GALNT2: variants seen among roughly 807,000 people sequenced by gnomAD.
The protein encoded by GALNT2 is UDP-GalNAc:polypeptide N-acetylgalactosaminyltransferase 2.
Under a neutral mutation model 81.4 loss-of-function variants are expected in GALNT2, and 31 were observed. The observed-to-expected ratio is 0.38, with a 90% CI of 0.29 to 0.51. The LOEUF is 0.51. Among genes scored for constraint, GALNT2 ranks in the 20% least tolerant of loss-of-function variants. GALNT2 has a pLI of 0.87. For missense variants in GALNT2, 629 were observed against 765.7 expected, an observed-to-expected ratio of 0.82 and a Z score of 2.11; for synonymous variants, 303 against 287.4, an observed-to-expected ratio of 1.05 and a Z score of -0.55.
At chr1:230,143,389 GAGAGCAGA>G (rs1661810624) in intron 1 of GALNT2, among the ~76,000 whole-genome samples, 7 of 152,338 alleles carry the variant, frequency 4.6e-5, no homozygotes, top group Middle Eastern at 3.4e-3. Context: ...GGAGACATTC[GAGAGCAGA>G]AGAGCAGAAG....
intron 1 of GALNT2, among the ~76,000 whole-genome samples, chr1:230,122,369 C>T (rs1661042544): frequency 6.6e-6 from 1 of 152,092 alleles, no homozygotes; most frequent in South Asian, 2.1e-4. Context: ...TAAATAAATC[C>T]CAAGCCCTGA....
chr1:230,274,653 A>T (rs1324922360), intron 15 of GALNT2, 89 bp downstream of exon 15: 13 of 1,500,738 alleles, frequency 8.7e-6, no homozygotes, highest in Middle Eastern at 2.3e-4. Context: ...GCTGCCTCTC[A>T]AAGCATCCAT....
intron 1 of GALNT2, among the ~76,000 whole-genome samples, chr1:230,092,433 TC>T (rs1270245006): frequency 1.3e-5 from 2 of 151,778 alleles, no homozygotes; most frequent in Non-Finnish European, 2.9e-5. Flanking sequence ...AACCTCTGCC[TC>T]CCGGGTTCAA....
chr1:230,164,674 C>T (rs977289731), intron 1 of GALNT2, among the ~76,000 whole-genome samples: 1 of 152,034 alleles, frequency 6.6e-6, no homozygotes, highest in African/African-American at 2.4e-5. Context: ...GCTGGGACTA[C>T]AGGCGCCCGC....
chr1:230,181,055 T>A (rs1463684735), intron 2 of GALNT2, among the ~76,000 whole-genome samples: 3 of 151,792 alleles, frequency 2.0e-5, no homozygotes, highest in African/African-American at 7.3e-5. Flanking sequence ...TATGAACAAA[T>A]AGGATTTTAT....
intron 1 of GALNT2, among the ~76,000 whole-genome samples, chr1:230,102,223 C>A (rs1279966226): frequency 6.6e-6 from 1 of 152,132 alleles, no homozygotes; most frequent in Non-Finnish European, 1.5e-5. Context: ...TAGACGAAGC[C>A]CCAGGAGGGC....
In GALNT2 at chr1:230,257,689, G is replaced by A. The variant is rs1160727903; in HGVS notation, c.1136+2345G>A. ...CCCTCTCATTAAGCAGCACCTGGCT[G>A]TACCTGGAGCAGGTGTGTAGCAGTG... On this transcript the variant is annotated intron_variant, in intron 11 of 15. Coordinates refer to ENST00000366672, the MANE Select transcript of GALNT2 (RefSeq NM_004481.5). The surrounding 1 kb of genome is among the most constrained non-coding windows in gnomAD (Gnocchi z 4.6). Among the ~76,000 whole-genome samples the A allele has an allele frequency of 1.3e-5, 2 of 152,234 alleles. No homozygotes were observed. Among genetic ancestry groups the A allele is most frequent in the Non-Finnish European group, 2.9e-5 (2 of 68,046 alleles).
At position 230,109,201 on chromosome 1, in the gene GALNT2, C is replaced by A. The variant is rs371939161; in HGVS notation, c.126+41795C>A. 7.9e-5 allele frequency among the ~76,000 whole-genome samples: 12 copies of A among 152,318 alleles called. No individual in the cohort carries two copies. In the East Asian group the frequency reaches 2.3e-3, roughly 29 times the overall value. ...TCTCCCTGGGAGCTGCGGCTGCGGA[C>A]CCCCGTAGATGGGATGCAGCTGCCC... On this transcript the variant is annotated intron_variant, in intron 1 of 15. Coordinates refer to ENST00000366672, the MANE Select transcript of GALNT2 (RefSeq NM_004481.5).
chr1:230,073,970 G>T (rs1659451588), intron 1 of GALNT2, among the ~76,000 whole-genome samples: 1 of 152,194 alleles, frequency 6.6e-6, no homozygotes, highest in Non-Finnish European at 1.5e-5. Context: ...GGAGGGTTGG[G>T]GGTAGAGTTA....
Position 230,275,168 on chromosome 1 carries a change from ACC to A in GALNT2, c.1560+605_1560+606del, listed in dbSNP as rs1666261421. Among the ~76,000 whole-genome samples, 1 of 151,658 alleles carries A rather than the reference ACC, an allele frequency of 6.6e-6. No individual in the cohort carries two copies. The highest frequency in any genetic ancestry group is 2.4e-5 in the African/African-American group (1 of 41,234). ...ATATATACACACCACATATACATAT[ACC>A]TGCCACATATATACATATATAAACA... On this transcript the variant is annotated intron_variant, in intron 15 of 15. Transcript: ENST00000366672. This position sits in a 1 kb window ranked among gnomAD's most constrained non-coding sequence, Gnocchi z 5.5.
At position 230,236,740 on chromosome 1, in the gene GALNT2, A is replaced by G. The variant is rs768210056; in HGVS notation, c.607+15A>G. 6.2e-7 allele frequency: 1 copy of G among 1,609,704 alleles called. No homozygotes were observed. The highest frequency in any genetic ancestry group is 8.5e-7 in the Non-Finnish European group (1 of 1,178,502). ...TCGACGAGAAGGTAAGATTCTTCTT[A>G]ATTCAGCGCCAAGACAGTTGAATTC... is the stretch of plus-strand genomic sequence containing the variant. On this transcript the variant is annotated intron_variant, in intron 6 of 15. Coordinates refer to ENST00000366672, the MANE Select transcript of GALNT2 (RefSeq NM_004481.5).
At chr1:230,255,688 A>T (rs1173466260) in intron 11 of GALNT2, among the ~76,000 whole-genome samples, 1 of 152,068 alleles carries the variant, frequency 6.6e-6, no homozygotes, top group Non-Finnish European at 1.5e-5. Flanking sequence ...AGCACCAGGG[A>T]TGTTTGGAGG....
At chr1:230,244,291 C>G (rs957202612) in intron 7 of GALNT2, among the ~76,000 whole-genome samples, 1 of 152,004 alleles carries the variant, frequency 6.6e-6, no homozygotes, top group Non-Finnish European at 1.5e-5. Flanking sequence ...ACCTGTAATG[C>G]ACTTGTTATC....
At chr1:230,213,868 G>A (rs373967197) in intron 3 of GALNT2, among the ~76,000 whole-genome samples, 1 of 152,086 alleles carries the variant, frequency 6.6e-6, no homozygotes, top group Non-Finnish European at 1.5e-5. Context: ...TCAGCCCTTT[G>A]TGCTCTTGTT....
At chr1:230,182,206 TATTG>T (rs1663183329) in intron 2 of GALNT2, among the ~76,000 whole-genome samples, 3 of 151,924 alleles carry the variant, frequency 2.0e-5, no homozygotes, top group Non-Finnish European at 4.4e-5. Flanking sequence ...TTTTTTTCTG[TATTG>T]ATTTTCTGTT....
chr1:230,197,953 G>A (rs1663753495), intron 2 of GALNT2, among the ~76,000 whole-genome samples: 1 of 152,132 alleles, frequency 6.6e-6, no homozygotes, highest in South Asian at 2.1e-4. Flanking sequence ...AGGCTTTGCG[G>A]TGGAACACAT....
intron 2 of GALNT2, among the ~76,000 whole-genome samples, chr1:230,187,900 A>G (rs574751716): frequency 8.3e-6 from 1 of 120,748 alleles, no homozygotes; most frequent in African/African-American, 3.2e-5. Context: ...CTCCTTCTCT[A>G]TTGCTTTGCT....
In GALNT2 at chr1:230,275,072, A is replaced by ATATACACGCCACATATATATACATG. The variant is rs1666253632; in HGVS notation, c.1560+515_1560+516insGCCACATATATATACATGTATACAC. 6.6e-6 allele frequency among the ~76,000 whole-genome samples: 1 copy of ATATACACGCCACATATATATACATG among 151,590 alleles called. No homozygotes were observed. Among genetic ancestry groups the ATATACACGCCACATATATATACATG allele is most frequent in the Non-Finnish European group, 1.5e-5 (1 of 67,862 alleles). On this transcript the variant is annotated intron_variant, in intron 15 of 15. Transcript: ENST00000366672. The surrounding 1 kb of genome is among the most constrained non-coding windows in gnomAD (Gnocchi z 5.5). ...ATACATGCCACATATATACGTATAT[A>ATATACACGCCACATATATATACATG]TATACACACCACATATATATACATG...
rs571199515 is a variant in GALNT2 at position 230,150,370 on chromosome 1, T to C, written c.127-27848T>C. On this transcript the variant is annotated intron_variant, in intron 1 of 15. Coordinates refer to ENST00000366672, the MANE Select transcript of GALNT2 (RefSeq NM_004481.5). The stretch of plus-strand genomic sequence containing the variant: ...ATCACCCAAGGTGTCATATTTCTTC[T>C]CAGAAACTTATATTTGGATAAAACA... Among the ~76,000 whole-genome samples the C allele has an allele frequency of 1.4e-4, 22 of 152,352 alleles. No individual in the cohort carries two copies. In the South Asian group the frequency reaches 4.3e-3, roughly 30 times the overall value.
Sources: allele counts gnomAD v4.1 joint callset (sites outside exome capture counted in the v4.1 genomes callset), GRCh38; gene constraint gnomAD v4.1.1; non-coding constraint Gnocchi (gnomAD v3.1); transcripts MANE v1.5; gene names NCBI Gene and HGNC (gene_info 2026-07-23, HGNC 2026-07-21).